Variants in GIP observed in about 807,000 individuals in gnomAD.
The protein encoded by GIP is gastric inhibitory polypeptide.
Under a neutral mutation model 18.1 loss-of-function variants are expected in GIP, and 16 were observed. The observed-to-expected ratio is 0.88, with a 90% CI of 0.60 to 1.34. GIP has a LOEUF of 1.34. Among genes scored for constraint, GIP ranks in the 40% most tolerant of loss-of-function variants. GIP has a pLI of 0.00. For missense variants in GIP, 192 were observed against 183.4 expected, an observed-to-expected ratio of 1.05 and a Z score of -0.27; for synonymous variants, 76 against 74.0, an observed-to-expected ratio of 1.03 and a Z score of -0.14.
chr17:48,961,258 G>T (rs1485566289), intron 4 of GIP, among the ~76,000 whole-genome samples: 1 of 152,200 alleles, frequency 6.6e-6, no homozygotes, highest in Admixed American at 6.5e-5. Context: ...CTCTGCCAGT[G>T]TTCCAGAATG....
intron 2 of GIP, among the ~76,000 whole-genome samples, chr17:48,966,680 G>C (rs2041237755): frequency 6.6e-6 from 1 of 152,072 alleles, no homozygotes; most frequent in South Asian, 2.1e-4. Flanking sequence ...GGTGGTACAT[G>C]CCTGTGGTCC....
Position 48,960,909 on chromosome 17 carries a change from A to C in GIP, c.429T>G (p.Asp143Glu). The C allele has an allele frequency of 6.2e-7, 1 of 1,604,968 alleles. No individual in the cohort carries two copies. ...LIQELLACLL[D>E]QTNLCRLRSR ...ACCTGAGCCTGCAGAGGTTTGTCTG[A>C]TCCAGCAAGCAGGCCAACAGCTCTT... The change falls in exon 5 of 6, where the codon GAT becomes GAG. Residue 143 changes from aspartate (D) to glutamate (E), a missense_variant. Asp to Glu is a conservative substitution (Grantham distance 45). Transcript: ENST00000357424.
At chr17:48,966,757 G>A (rs545358856) in intron 2 of GIP, among the ~76,000 whole-genome samples, 5 of 151,872 alleles carry the variant, frequency 3.3e-5, no homozygotes, top group Non-Finnish European at 7.4e-5. Flanking sequence ...AGTGAGCTGC[G>A]ATCACGCCAC....
At chr17:48,967,299 G>A (rs1484798002) in intron 1 of GIP, 46 bp from the exon 2 acceptor site, 1 of 1,296,274 alleles carries the variant, frequency 7.7e-7, no homozygotes, top group African/African-American at 1.5e-5. Context: ...CAACCAGTAG[G>A]GGTTCTGAAA....
chr17:48,964,427 G>T lies in GIP; in HGVS notation c.140C>A (p.Pro47His). 6.2e-7 allele frequency: 1 copy of T among 1,614,046 alleles called. No homozygotes were observed. The highest frequency in any genetic ancestry group is 2.2e-5 in the East Asian group (1 of 44,876). Residue 47 changes from proline (P) to histidine (H), a missense_variant, in exon 3 of 6, where the codon CCT becomes CAT. Transcript: ENST00000357424. ...CCCTTCCGCGTACCTGGGGCCTCGA[G>T]GTTGAGGGCTGCTCACCTTAGCATG... ...GSHAKVSSPQ[P>H]RGPRYAEGTF... is the part of the protein sequence containing the mutation.
chr17:48,967,129 T>G lies in GIP; in HGVS notation c.86+18A>C. 1 of 1,576,040 alleles carries G rather than the reference T, an allele frequency of 6.3e-7. No individual in the cohort carries two copies. The highest frequency in any genetic ancestry group is 8.7e-7 in the Non-Finnish European group (1 of 1,145,488). ...TAACCCCTCCTCTGCCCCATCCCTT[T>G]CCTCTCACCACTCCTACCTGAAGTG... On this transcript the variant is annotated intron_variant, in intron 2 of 5. Transcript: ENST00000357424.
At chr17:48,961,924 C>A in intron 3 of GIP, 105 bp from the exon 4 acceptor site, 1 of 750,668 alleles carries the variant, frequency 1.3e-6, no homozygotes, top group Non-Finnish European at 2.3e-6. Context: ...TACCTTTTTC[C>A]ACTCAACCCC....
chr17:48,961,548 C>G (rs1334124616), intron 4 of GIP, among the ~76,000 whole-genome samples, 179 bp downstream of exon 4: 1 of 152,194 alleles, frequency 6.6e-6, no homozygotes, highest in Admixed American at 6.5e-5. Context: ...AAGGCTTCTT[C>G]CTTAAGCTTG....
Position 48,964,367 on chromosome 17 carries a change from T to A in GIP, c.200A>T (p.Lys67Met). The change falls in exon 3 of 6, where the codon AAG becomes ATG. Residue 67 changes from lysine to methionine, a missense_variant. Transcript: ENST00000357424. ...GTTCACAAAGTCTTGTTGGTGAATC[T>A]TGTCCATGGCAATACTGTAGTCACT... is the stretch of plus-strand genomic sequence containing the variant. The part of the protein sequence containing the change: ...FISDYSIAMD[K>M]IHQQDFVNWL... 6.2e-7 allele frequency: 1 copy of A among 1,613,890 alleles called. No homozygotes were observed. The highest frequency in any genetic ancestry group is 1.1e-5 in the South Asian group (1 of 91,076).
At chr17:48,963,841 C>CAAAAAA (rs60257330) in intron 3 of GIP, among the ~76,000 whole-genome samples, 853 of 35,852 alleles carry the variant, frequency 0.024, 229 homozygotes, top group African/African-American at 0.11. Context: ...AACTCTGTCT[C>CAAAAAA]AAAAAAAAAA....
chr17:48,960,879 C>G lies in GIP; in HGVS notation c.452+7G>C. 5 of 1,551,026 alleles carry G rather than the reference C, an allele frequency of 3.2e-6. No homozygotes were observed. The highest frequency in any genetic ancestry group is 4.4e-6 in the Non-Finnish European group (5 of 1,134,396). On this transcript the variant is annotated splice_region_variant and intron_variant, in intron 5 of 5. Transcript: ENST00000357424. The stretch of plus-strand genomic sequence containing the variant: ...TAGAACCGCTGTGCAACACCACACT[C>G]CCCTACCTGAGCCTGCAGAGGTTTG...
At chr17:48,968,425 A>G (rs1321002527) in intron 1 of GIP, 92 bp downstream of exon 1, 1 of 152,026 alleles carries the variant, frequency 6.6e-6, no homozygotes, top group African/African-American at 2.4e-5. Context: ...GGAAGAGAAA[A>G]CTAAGATGCC....
intron 2 of GIP, among the ~76,000 whole-genome samples, chr17:48,966,785 G>A (rs141595423): frequency 0.012 from 1,763 of 151,994 alleles, 27 homozygotes; most frequent in African/African-American, 0.038. Flanking sequence ...CAGCCTGGGC[G>A]ACAGGGCAAG....
intron 5 of GIP, among the ~76,000 whole-genome samples, chr17:48,959,565 G>A (rs540424986): frequency 2.6e-5 from 4 of 152,236 alleles, no homozygotes; most frequent in African/African-American, 7.2e-5. Flanking sequence ...TTAGTGCCTC[G>A]ATTCTGGGAC....
chr17:48,962,971 G>A (rs1965983), intron 3 of GIP, among the ~76,000 whole-genome samples: 83,594 of 151,566 alleles, frequency 0.55, 25,007 homozygotes, highest in African/African-American at 0.8. Flanking sequence ...TCCGTGCATG[G>A]TGGCGGGCAC....
At position 48,960,893 on chromosome 17, in the gene GIP, T is replaced by G; in HGVS notation, c.445A>C (p.Arg149=). 6.3e-7 allele frequency: 1 copy of G among 1,591,192 alleles called. No individual in the cohort carries two copies. Among genetic ancestry groups the G allele is most frequent in the East Asian group, 2.2e-5 (1 of 44,516 alleles). ...AACACCACACTCCCCTACCTGAGCC[T>G]GCAGAGGTTTGTCTGATCCAGCAAG... ...ACLLDQTNLC[R]LRSR The change falls in exon 5 of 6, where the codon AGG becomes CGG. Residue 149 remains arginine (R), a synonymous_variant. Coordinates refer to ENST00000357424, the MANE Select transcript of GIP (RefSeq NM_004123.3).
intron 2 of GIP, 74 bp downstream of exon 2, chr17:48,967,073 C>T: frequency 8.8e-7 from 1 of 1,137,106 alleles, no homozygotes; most frequent in East Asian, 2.4e-5. Context: ...CTCATCTCCC[C>T]CTAGAAACAA....
In GIP at chr17:48,967,253, G is replaced by A. The variant is rs368305691; in HGVS notation, c.-21C>T. The A allele has an allele frequency of 5.0e-6, 8 of 1,606,020 alleles. No individual in the cohort carries two copies. Among genetic ancestry groups the A allele is most frequent in the Non-Finnish European group, 6.8e-6 (8 of 1,172,890 alleles). ...ACCATCTTCCAAGGTTATTTCCTGA[G>A]CTAAGACAGAAAAAAGCCAGGACAT... On this transcript the variant is annotated splice_region_variant and 5_prime_UTR_variant, in exon 2 of 6. Transcript: ENST00000357424.
At chr17:48,966,050 G>A (rs1388722626) in intron 2 of GIP, among the ~76,000 whole-genome samples, 1 of 151,934 alleles carries the variant, frequency 6.6e-6, no homozygotes, top group East Asian at 1.9e-4. Flanking sequence ...ACGAGGTCAG[G>A]AGTTCAAGAC....
Sources: gnomAD v4.1 joint callset for allele counts (sites outside exome capture counted in the v4.1 genomes callset) on GRCh38, gnomAD v4.1.1 for gene constraint, MANE v1.5 for transcripts, NCBI Gene and HGNC (gene_info 2026-07-23, HGNC 2026-07-21) for gene names.